Variants in YIPF1 observed in about 807,000 individuals in gnomAD.
The protein encoded by YIPF1 is protein YIPF1.
YIPF1 carries 22 observed loss-of-function variants against 37.0 expected under a neutral mutation model. That is an observed-to-expected ratio of 0.59 (90% confidence interval 0.42 to 0.85). The LOEUF is 0.85. Ranked by LOEUF, YIPF1 falls within the 40% of genes least tolerant of loss-of-function variation. The pLI is 0.00. For missense variants in YIPF1, 355 were observed against 373.1 expected (o/e 0.95, Z 0.40); for synonymous variants, 128 against 131.9 (o/e 0.97, Z 0.21).
rs1233746429 is a variant in YIPF1 at position 53,866,804 on chromosome 1, A to G, written c.602T>C (p.Ile201Thr). The change falls in exon 8 of 11, where the codon ATT (isoleucine) becomes ACT (threonine). Residue 201 changes from isoleucine to threonine, a missense_variant. Physicochemically the swap from Ile to Thr is moderately conservative, Grantham distance 89. Transcript: ENST00000072644. ...GAGGGAATATCCATAGACACACACA[A>G]TCTCCAGAAATGAATAGGAGACGAT... ...MNIVSYSFLE[I>T]VCVYGYSLFI... The G allele has an allele frequency of 6.2e-7, 1 of 1,614,048 alleles. No individual in the cohort carries two copies. The highest frequency in any genetic ancestry group is 8.5e-7 in the Non-Finnish European group (1 of 1,180,026).
At position 53,878,184 on chromosome 1, in the gene YIPF1, A is replaced by G. The variant is rs1241883955; in HGVS notation, c.364+131T>C. ...TCCAAAATTACTTGCAAGGGTTGCT[A>G]CTGAAGTTCAGAAAAGTCTAATAAT... On this transcript the variant is annotated intron_variant, in intron 6 of 10. Transcript: ENST00000072644. 5 of 826,240 alleles carry G rather than the reference A, an allele frequency of 6.1e-6. No individual in the cohort carries two copies. In the Admixed American group the frequency reaches 9.5e-5, roughly 16 times the overall value. The allele number at this position is 826,240 out of a possible 1,614,324, so 51.2% of individuals were successfully genotyped here. A position where few individuals can be genotyped will look rare whatever the true frequency, so the allele number is the denominator to read the frequency against.
chr1:53,852,570 C>A (rs1003533746), intron 10 of YIPF1, among the ~76,000 whole-genome samples: 1 of 152,216 alleles, frequency 6.6e-6, no homozygotes, highest in Non-Finnish European at 1.5e-5. Context: ...CTCTCTTTCT[C>A]TTCTCCGTGA....
chr1:53,883,071 T>C, intron 4 of YIPF1, 42 bp downstream of exon 4: 2 of 1,530,498 alleles, frequency 1.3e-6, no homozygotes, highest in Non-Finnish European at 8.8e-7. Context: ...ATAAACAAGC[T>C]TTAAAAATTG....
At chr1:53,884,286 C>T (rs1454768912) in intron 3 of YIPF1, among the ~76,000 whole-genome samples, 2 of 150,350 alleles carry the variant, frequency 1.3e-5, no homozygotes, top group Admixed American at 1.3e-4. Context: ...AGTTCTACCA[C>T]ATAAAGGCAA....
chr1:53,876,257 C>T (rs1025481474), intron 6 of YIPF1, among the ~76,000 whole-genome samples: 2 of 152,078 alleles, frequency 1.3e-5, no homozygotes, highest in African/African-American at 4.8e-5. Context: ...TTGTTTCTCA[C>T]TGTTTGTTGG....
At chr1:53,854,465 C>T (rs1205371487) in intron 10 of YIPF1, among the ~76,000 whole-genome samples, 1 of 152,162 alleles carries the variant, frequency 6.6e-6, no homozygotes, top group East Asian at 1.9e-4. Flanking sequence ...TATGACCTGA[C>T]TCCTGACCAT....
At chr1:53,871,991 T>C (rs948123216) in intron 6 of YIPF1, among the ~76,000 whole-genome samples, 1 of 147,800 alleles carries the variant, frequency 6.8e-6, no homozygotes, top group Non-Finnish European at 1.5e-5. Context: ...TTCACCACGG[T>C]TGTGTTGAGT....
chr1:53,866,242 C>A lies in YIPF1; in HGVS notation c.789G>T (p.Val263=). ...DNRRVALATI[V]TIVLLHMLLS... is the part of the protein sequence containing the mutation. ...GCAGCATATGGAGCAACACAATTGT[C>A]ACAATTGTGGCCAATGCAACGCGTC... The change falls in exon 9 of 11, where the codon GTG becomes GTT. Residue 263 remains valine (V), a synonymous_variant. Transcript: ENST00000072644. The A allele has an allele frequency of 1.2e-6, 2 of 1,614,148 alleles. No homozygotes were observed. The highest frequency in any genetic ancestry group is 2.2e-5 in the South Asian group (2 of 91,056).
At chr1:53,873,903 A>G (rs1253907810) in intron 6 of YIPF1, among the ~76,000 whole-genome samples, 1 of 152,150 alleles carries the variant, frequency 6.6e-6, no homozygotes, top group Non-Finnish European at 1.5e-5. Context: ...CTTATCTAGC[A>G]TTCTCTAGCT....
Position 53,866,912 on chromosome 1 carries a change from G to C in YIPF1, c.494C>G (p.Ala165Gly). The C allele has an allele frequency of 6.2e-7, 1 of 1,612,126 alleles. No individual in the cohort carries two copies. The highest frequency in any genetic ancestry group is 1.3e-5 in the African/African-American group (1 of 74,972). ...VPEFRKVSIA[A>G]TIIYAYAWLV... ...CCAGGCATAGGCATAGATGATGGTA[G>C]CTGCTATGGACACTGAGGATGACAG... The change falls in exon 8 of 11, where the codon GCT (alanine) becomes GGT (glycine). Residue 165 changes from alanine (A) to glycine (G), a missense_variant. Ala to Gly is a moderately conservative substitution (Grantham distance 60). Transcript: ENST00000072644.
At chr1:53,870,088 T>C (rs1425530492) in intron 7 of YIPF1, among the ~76,000 whole-genome samples, 1 of 151,108 alleles carries the variant, frequency 6.6e-6, no homozygotes, top group Non-Finnish European at 1.5e-5. Flanking sequence ...CTCGAACTCC[T>C]GACCTTGTGA....
intron 10 of YIPF1, 68 bp from the exon 11 acceptor site, chr1:53,852,338 G>T (rs1379094133): frequency 6.6e-6 from 1 of 152,084 alleles, no homozygotes; most frequent in Non-Finnish European, 1.5e-5. Context: ...GAGCTACATT[G>T]TAGAAAAGGA....
At chr1:53,884,510 C>T (rs928630329) in intron 3 of YIPF1, among the ~76,000 whole-genome samples, 16 of 152,166 alleles carry the variant, frequency 1.1e-4, no homozygotes, top group Non-Finnish European at 1.9e-4. Flanking sequence ...ATATAACAGT[C>T]TCTTAAAATG....
intron 10 of YIPF1, among the ~76,000 whole-genome samples, chr1:53,852,872 G>C (rs1431660430): frequency 6.6e-6 from 1 of 152,132 alleles, no homozygotes; most frequent in Non-Finnish European, 1.5e-5. Context: ...GCTGTGTATA[G>C]GATGAATTGG....
At chr1:53,884,796 A>G (rs541387939) in intron 3 of YIPF1, among the ~76,000 whole-genome samples, 2 of 152,350 alleles carry the variant, frequency 1.3e-5, no homozygotes, top group East Asian at 3.9e-4. Context: ...CTGCTCTTGA[A>G]TAAAATTCAG....
rs1239783980 is a variant in YIPF1, at chr1:53,878,680, C to G, written c.238G>C (p.Glu80Gln). The G allele has an allele frequency of 6.3e-7, 1 of 1,599,578 alleles. No homozygotes were observed. Among genetic ancestry groups the G allele is most frequent in the African/African-American group, 1.4e-5 (1 of 73,706 alleles). ...QKKSSPFWTFEYYQTFFDVDT... is the reference protein window; with the variant it reads ...QKKSSPFWTFQYYQTFFDVDT... ...ACATCAAAGAATGTTTGGTAGTATT[C>G]AAATGTCCAGAAGGGGGAGCTTTTC... Residue 80 changes from glutamate (E) to glutamine (Q), a missense_variant, in exon 5 of 11, where the codon GAA becomes CAA. Transcript: ENST00000072644.
At chr1:53,859,638 T>C (rs1649812374) in intron 10 of YIPF1, among the ~76,000 whole-genome samples, 3 of 151,996 alleles carry the variant, frequency 2.0e-5, no homozygotes, top group South Asian at 2.1e-4. Flanking sequence ...GCACTCCAGC[T>C]TGGGCAACAA....
chr1:53,871,849 A>G (rs1280018119), intron 6 of YIPF1, among the ~76,000 whole-genome samples: 1 of 152,132 alleles, frequency 6.6e-6, no homozygotes, highest in African/African-American at 2.4e-5. Context: ...TGAAGTAAAG[A>G]TTACTTCGCT....
At chr1:53,880,801 A>T (rs191142266) in intron 4 of YIPF1, among the ~76,000 whole-genome samples, 6 of 152,326 alleles carry the variant, frequency 3.9e-5, no homozygotes, top group African/African-American at 1.4e-4. Flanking sequence ...GACAAAAACA[A>T]GCAATGGGGA....
Sources: allele counts gnomAD v4.1 joint callset (sites outside exome capture counted in the v4.1 genomes callset), GRCh38; gene constraint gnomAD v4.1.1; transcripts MANE v1.5; gene names NCBI Gene and HGNC (gene_info 2026-07-23, HGNC 2026-07-21).